SH3GLB2: variants seen among roughly 807,000 people sequenced by gnomAD.
SH3GLB2 encodes SH3 domain containing GRB2 like, endophilin B2.
Under a neutral mutation model 48.0 loss-of-function variants are expected in SH3GLB2, and 24 were observed. The ratio of observed to expected loss-of-function variants is 0.50; its 90% CI spans 0.36 to 0.70. SH3GLB2 has a LOEUF of 0.70. SH3GLB2 is among the 30% of genes least tolerant of loss of function. The pLI is 0.00. For synonymous variants in SH3GLB2, 227 were observed against 207.6 expected, an observed-to-expected ratio of 1.09 and a Z score of -0.80; for missense variants, 425 against 516.0, an observed-to-expected ratio of 0.82 and a Z score of 1.71.
At chr9:129,022,896 A>G (rs1389853799) in intron 1 of SH3GLB2, among the ~76,000 whole-genome samples, 1 of 152,038 alleles carries the variant, frequency 6.6e-6, no homozygotes, top group Non-Finnish European at 1.5e-5. Context: ...CAGAGGAGGG[A>G]GAGGAAGAAC....
At chr9:129,023,692 G>C (rs1463993313) in intron 1 of SH3GLB2, among the ~76,000 whole-genome samples, 1 of 151,734 alleles carries the variant, frequency 6.6e-6, no homozygotes, top group Non-Finnish European at 1.5e-5. Flanking sequence ...GGGGTGGCGG[G>C]CTGGGCGGCC....
chr9:129,019,168 T>C (rs1365820958), intron 3 of SH3GLB2, among the ~76,000 whole-genome samples: 1 of 151,254 alleles, frequency 6.6e-6, no homozygotes, highest in East Asian at 1.9e-4. Flanking sequence ...GGGAGGTCAC[T>C]TCAGCTTAGG....
Position 129,009,295 on chromosome 9 carries a change from G to T in SH3GLB2, c.891C>A (p.Ser297Arg). 1 of 1,551,986 alleles carries T rather than the reference G, an allele frequency of 6.4e-7. No homozygotes were observed. Residue 297 changes from serine (S) to arginine (R), a missense_variant, in exon 10 of 11, where the codon AGC (serine) becomes AGA (arginine). Ser to Arg is a moderately radical substitution (Grantham distance 110). Coordinates refer to ENST00000372564, the MANE Select transcript of SH3GLB2 (RefSeq NM_020145.4). ...GTTEPASPPL[S>R]STSPTTAAAT... The stretch of plus-strand genomic sequence containing the variant: ...CCGCAGCAGTGGTGGGTGAGGTGCT[G>T]CTCAGGGGTGGGGAGGCGGGCTCTG...
At chr9:129,010,881 C>T (rs1304696625) in intron 6 of SH3GLB2, 188 bp from the exon 7 acceptor site, 3 of 646,166 alleles carry the variant, frequency 4.6e-6, no homozygotes, top group African/African-American at 3.7e-5. Context: ...CGGTCCCAGT[C>T]CCTCTAACAT....
intron 7 of SH3GLB2, 129 bp downstream of exon 7, chr9:129,010,541 G>A (rs2131230697): frequency 9.3e-7 from 1 of 1,077,076 alleles, no homozygotes; most frequent in Admixed American, 2.0e-5. Flanking sequence ...GCCCAGGGAG[G>A]GAAAGCAGTA....
chr9:129,025,429 G>A lies in SH3GLB2; in HGVS notation c.63+2663C>T, dbSNP rs371631214. ...TACAAAAAAAAAATTAGCCAGGAGT[G>A]GTGGCAGGTGCCTATAATCCCAGTT... On this transcript the variant is annotated intron_variant, in intron 1 of 10. Transcript: ENST00000372564. Among the ~76,000 whole-genome samples, 188 of 151,948 alleles carry A rather than the reference G, an allele frequency of 1.2e-3. 1 individual carries two copies. The highest frequency in any genetic ancestry group is 4.2e-3 in the African/African-American group (175 of 41,436).
At chr9:129,022,488 G>A (rs968592045) in intron 1 of SH3GLB2, 65 bp from the exon 2 acceptor site, 82 of 1,451,732 alleles carry the variant, frequency 5.6e-5, no homozygotes, top group South Asian at 1.2e-5. Context: ...GGGGAGTGGT[G>A]GGGAAAGGGA....
rs371943623 is a variant in SH3GLB2, at chr9:129,008,663, G to A, written c.*21C>T. On this transcript the variant is annotated 3_prime_UTR_variant, in exon 11 of 11. Transcript: ENST00000372564. ...TCCTCTCCTGCCTAGGCCAGAATGCGGGGGGGATGGGGGCACCTGCCTAGC... is the reference window on the plus strand; with the variant it reads ...TCCTCTCCTGCCTAGGCCAGAATGCAGGGGGGATGGGGGCACCTGCCTAGC... 2.6e-5 allele frequency: 40 copies of A among 1,554,856 alleles called. No individual in the cohort carries two copies. The highest frequency in any genetic ancestry group is 2.0e-4 in the African/African-American group (15 of 73,622).
intron 1 of SH3GLB2, among the ~76,000 whole-genome samples, chr9:129,022,821 G>A (rs1249390104): frequency 2.6e-5 from 4 of 152,224 alleles, no homozygotes; most frequent in African/African-American, 9.6e-5. Context: ...AAACAGGGCA[G>A]GGAGTAGGGT....
At position 129,028,236 on chromosome 9, in the gene SH3GLB2, C is replaced by CAGCAGGTGGGCGGGGTG; in HGVS notation, c.-83_-82insCACCCCGCCCACCTGCT. The stretch of plus-strand genomic sequence containing the variant: ...AGCCGCCGCCGCCAACCGCACCCCG[C>CAGCAGGTGGGCGGGGTG]CCACCTGCTGCGGGGCACCAGCCCT... On this transcript the variant is annotated 5_prime_UTR_variant, in exon 1 of 11. Transcript: ENST00000372564. The CAGCAGGTGGGCGGGGTG allele has an allele frequency of 2.1e-6, 2 of 964,272 alleles. No homozygotes were observed. The highest frequency in any genetic ancestry group is 2.5e-6 in the Non-Finnish European group (2 of 792,462). The allele number at this position is 964,272 out of a possible 1,614,324, so 59.7% of individuals were successfully genotyped here. A position where few individuals can be genotyped will look rare whatever the true frequency, so the allele number is the denominator to read the frequency against.
At chr9:129,010,381 G>A in intron 7 of SH3GLB2, 172 bp from the exon 8 acceptor site, 1 of 651,710 alleles carries the variant, frequency 1.5e-6, no homozygotes, top group Non-Finnish European at 2.7e-6. Flanking sequence ...AGAAGCTAGA[G>A]CCCCACTCAG....
chr9:129,010,984 C>T (rs1256497796), intron 6 of SH3GLB2: 4 of 482,192 alleles, frequency 8.3e-6, no homozygotes, highest in South Asian at 5.5e-5. Context: ...TCAAGAGAGA[C>T]GGAGTGTCCC....
At chr9:129,015,257 G>A (rs1274328678) in intron 3 of SH3GLB2, among the ~76,000 whole-genome samples, 1 of 152,082 alleles carries the variant, frequency 6.6e-6, no homozygotes, top group Non-Finnish European at 1.5e-5. Context: ...AGCACTCTGG[G>A]AGGCCGAGAC....
In SH3GLB2 at chr9:129,011,907, A is replaced by T; in HGVS notation, c.624+329T>A. On this transcript the variant is annotated intron_variant, in intron 6 of 10. Transcript: ENST00000372564. The surrounding 1 kb of genome is among the most constrained non-coding windows in gnomAD (Gnocchi z 4.5). ...AGGGCCTCCCCAGGGCCTGGCATTC[A>T]GAGACAGCAGGAGGTGGAGGGGCCC... 3.4e-6 allele frequency: 1 copy of T among 290,900 alleles called. No homozygotes were observed. The allele number at this position is 290,900 out of a possible 1,614,324, so 18.0% of individuals were successfully genotyped here. A position where few individuals can be genotyped will look rare whatever the true frequency, so the allele number is the denominator to read the frequency against.
rs1264489289 is a variant in SH3GLB2, at chr9:129,008,052, G to A, written c.*632C>T. On this transcript the variant is annotated 3_prime_UTR_variant, in exon 11 of 11. Transcript: ENST00000372564. ...GCCCAGGTGACTCGCACACAAGGAC[G>A]GTTTATTGGCTAGAGAGCAAACGCA... 1.3e-5 allele frequency: 2 copies of A among 152,938 alleles called. No homozygotes were observed. Among genetic ancestry groups the A allele is most frequent in the African/African-American group, 2.4e-5 (1 of 41,544 alleles). 9.5% of individuals were successfully genotyped at this position (152,938 alleles called of 1,614,324 possible). A position where few individuals can be genotyped will look rare whatever the true frequency, so the allele number is the denominator to read the frequency against.
rs997013843 is a variant in SH3GLB2, at chr9:129,027,954, G to C, written c.63+138C>G. The C allele has an allele frequency of 6.4e-6, 5 of 776,456 alleles. No individual in the cohort carries two copies. In the South Asian group the frequency reaches 1.0e-4, roughly 16 times the overall value. 48.1% of individuals were successfully genotyped at this position (776,456 alleles called of 1,614,324 possible). A position where few individuals can be genotyped will look rare whatever the true frequency, so the allele number is the denominator to read the frequency against. On this transcript the variant is annotated intron_variant, in intron 1 of 10. Transcript: ENST00000372564. ...CTCTTCCGGTCAGCAAGGGCTCAGG[G>C]GGGCAGAGGTGTGCCGCGGCGGGGA...
intron 10 of SH3GLB2, 43 bp from the exon 11 acceptor site, chr9:129,008,834 G>A: frequency 6.4e-7 from 1 of 1,571,384 alleles, no homozygotes. Flanking sequence ...CTGGCCAAGG[G>A]TGGAACTGGC....
chr9:129,013,094 GCAGGCCCCC>G lies in SH3GLB2; in HGVS notation c.562-805_562-797del, dbSNP rs1159049600. ...TAGTGAGTCCACAGCGCAGGCAGGA[GCAGGCCCCC>G]CAGGCCCCAGTGGGAGGGGACACCA... On this transcript the variant is annotated intron_variant, in intron 5 of 10. Transcript: ENST00000372564. The G allele has an allele frequency of 7.2e-6, 11 of 1,530,484 alleles. No individual in the cohort carries two copies. The African/African-American group carries it at 1.5e-4, about 21-fold the overall frequency. The allele number at this position is 1,530,484 out of a possible 1,614,324, so 94.8% of individuals were successfully genotyped here.
chr9:129,013,957 C>CCTGA (rs372130206), intron 5 of SH3GLB2: 1 of 456,362 alleles, frequency 2.2e-6, no homozygotes, highest in African/African-American at 2.0e-5. Context: ...CGGACACGGC[C>CCTGA]CTGAGCAAGC....
Sources: gnomAD v4.1 joint callset for allele counts (sites outside exome capture counted in the v4.1 genomes callset) on GRCh38, gnomAD v4.1.1 for gene constraint, Gnocchi (gnomAD v3.1) non-coding constraint, MANE v1.5 for transcripts, NCBI Gene and HGNC (gene_info 2026-07-23, HGNC 2026-07-21) for gene names.